Variants in SLC36A1 observed in about 807,000 individuals in gnomAD.
SLC36A1 encodes proton-coupled amino acid transporter 1.
In SLC36A1, 30 loss-of-function variants were observed where a neutral mutation model predicts 47.5. The ratio of observed to expected loss-of-function variants is 0.63; its 90% confidence interval spans 0.47 to 0.86. The LOEUF (loss-of-function observed/expected upper bound fraction) is 0.86. SLC36A1 is among the 40% of genes least tolerant of loss of function. SLC36A1 has a pLI of 0.00. For missense variants in SLC36A1, 517 were observed against 606.0 expected, an observed-to-expected ratio of 0.85 and a Z score of 1.54; for synonymous variants, 255 against 249.7, an observed-to-expected ratio of 1.02 and a Z score of -0.20.
At chr5:151,551,096 T>A in the SLC36A1 span, among the ~76,000 whole-genome samples, 60 of 152,170 alleles carry the variant, frequency 3.9e-4, no homozygotes, top group Admixed American at 7.9e-4. Context: ...GAAGGGCCTT[T>A]CCATCAAGTG....
At chr5:151,474,284 A>G (rs1757755362) in intron 8 of SLC36A1, among the ~76,000 whole-genome samples, 1 of 152,038 alleles carries the variant, frequency 6.6e-6, no homozygotes. Flanking sequence ...ATGTAATTTT[A>G]AAATGTTTAC....
the SLC36A1 span, among the ~76,000 whole-genome samples, chr5:151,413,538 C>T: frequency 6.6e-6 from 1 of 152,172 alleles, no homozygotes; most frequent in South Asian, 2.1e-4. Context: ...AACTGAAAAA[C>T]TATTCACATA....
the SLC36A1 span, among the ~76,000 whole-genome samples, chr5:151,355,468 C>T: frequency 6.6e-6 from 1 of 152,168 alleles, no homozygotes; most frequent in Non-Finnish European, 1.5e-5. Context: ...TTCCTTTTAA[C>T]TCTGCAATTT....
chr5:151,529,771 C>T, the SLC36A1 span, among the ~76,000 whole-genome samples: 2 of 152,208 alleles, frequency 1.3e-5, no homozygotes, highest in South Asian at 4.1e-4. Flanking sequence ...AGGCAAGTGA[C>T]TTGTCCAACC....
chr5:151,444,586 A>T (rs1752816059), upstream of SLC36A1, among the ~76,000 whole-genome samples: 1 of 152,166 alleles, frequency 6.6e-6, no homozygotes. Context: ...CCCAGGTTCA[A>T]ACAATTCTCC....
At chr5:151,376,774 A>G in the SLC36A1 span, among the ~76,000 whole-genome samples, 1 of 152,166 alleles carries the variant, frequency 6.6e-6, no homozygotes, top group African/African-American at 2.4e-5. Flanking sequence ...CTGGGATTAC[A>G]GGCACATGCC....
chr5:151,549,638 A>G, the SLC36A1 span: 4 of 680,026 alleles, frequency 5.9e-6, no homozygotes, highest in Non-Finnish European at 7.6e-6. Context: ...ATTCTTTTAA[A>G]TGTTGTTCTA....
intron 10 of SLC36A1, among the ~76,000 whole-genome samples, chr5:151,483,712 TG>T (rs959995179): frequency 2.0e-5 from 3 of 152,186 alleles, no homozygotes; most frequent in Admixed American, 6.5e-5. Context: ...TCATTTTCCA[TG>T]GTGGCAAAAC....
the SLC36A1 span, among the ~76,000 whole-genome samples, chr5:151,344,747 A>C: frequency 1.3e-5 from 2 of 152,218 alleles, no homozygotes. Context: ...AAGTAAAGAA[A>C]CAACCCCATA....
the SLC36A1 span, among the ~76,000 whole-genome samples, chr5:151,401,192 T>C: frequency 6.6e-6 from 1 of 152,232 alleles, no homozygotes; most frequent in Non-Finnish European, 1.5e-5. Context: ...AGTTAATTTT[T>C]GTATATAGTG....
At chr5:151,347,604 G>A in the SLC36A1 span, 11 of 950,586 alleles carry the variant, frequency 1.2e-5, no homozygotes, top group Middle Eastern at 3.2e-4. Context: ...ACGAGGCCCC[G>A]CCCACCTCCC....
the SLC36A1 span, among the ~76,000 whole-genome samples, chr5:151,382,796 G>C: frequency 2.6e-5 from 4 of 152,214 alleles, no homozygotes; most frequent in Non-Finnish European, 5.9e-5. Context: ...TTGCCTGGAG[G>C]AACCTGTTAG....
At chr5:151,495,404 C>A (rs1760310203), downstream of SLC36A1, among the ~76,000 whole-genome samples, 1 of 152,190 alleles carries the variant, frequency 6.6e-6, no homozygotes, top group Non-Finnish European at 1.5e-5. Context: ...AGGTCCAGAG[C>A]ACTCTTCAGC....
intron 7 of SLC36A1, among the ~76,000 whole-genome samples, chr5:151,469,626 C>T (rs1482310612): frequency 6.6e-6 from 1 of 152,030 alleles, no homozygotes; most frequent in Non-Finnish European, 1.5e-5. Flanking sequence ...GAAGAGTGTG[C>T]ACTTTTGAAT....
At chr5:151,478,511 G>A (rs1275984879) in intron 9 of SLC36A1, among the ~76,000 whole-genome samples, 1 of 152,180 alleles carries the variant, frequency 6.6e-6, no homozygotes, top group African/African-American at 2.4e-5. Context: ...TCTTGGTCCT[G>A]CAGTGTCTTC....
chr5:151,505,838 G>C, the SLC36A1 span: 79 of 1,612,906 alleles, frequency 4.9e-5, no homozygotes, highest in African/African-American at 9.7e-4. Flanking sequence ...GGCGCTCCCG[G>C]GGACTAGGGG....
At chr5:151,554,605 G>A in the SLC36A1 span, 16 of 1,614,052 alleles carry the variant, frequency 9.9e-6, no homozygotes, top group South Asian at 8.8e-5. Flanking sequence ...TGTCATTGAC[G>A]TCCAAGATGC....
chr5:151,526,672 T>C, the SLC36A1 span, among the ~76,000 whole-genome samples: 1 of 152,186 alleles, frequency 6.6e-6, no homozygotes, highest in Non-Finnish European at 1.5e-5. Context: ...TCAGGTAACT[T>C]ATTATTTGCA....
chr5:151,531,915 G>T, the SLC36A1 span: 1 of 1,614,230 alleles, frequency 6.2e-7, no homozygotes, highest in Non-Finnish European at 8.5e-7. This position sits in a 1 kb window ranked among gnomAD's most constrained non-coding sequence, Gnocchi z 5.7. Context: ...TGGCGTCGAT[G>T]GAAAAGTGGC....
Sources: allele counts gnomAD v4.1 joint callset (sites outside exome capture counted in the v4.1 genomes callset), GRCh38; gene constraint gnomAD v4.1.1; non-coding constraint Gnocchi (gnomAD v3.1); transcripts MANE v1.5; gene names NCBI Gene and HGNC (gene_info 2026-07-23, HGNC 2026-07-21).